The following RGPD2 variants were observed in gnomAD, a reference collection of about 807,000 sequenced individuals.
RGPD2 encodes RANBP2-like and GRIP domain-containing protein 2.
RGPD2 carries 2 observed loss-of-function variants against 36.0 expected under a neutral mutation model. That is an observed-to-expected ratio of 0.06 (90% CI 0.02 to 0.17). The LOEUF (loss-of-function observed/expected upper bound fraction) is 0.17, where lower values mean the gene tolerates loss of function less well. Ranked by LOEUF, RGPD2 falls within the 10% of genes least tolerant of loss-of-function variation. RGPD2 has a pLI of 1.00. For synonymous variants in RGPD2, 19 were observed against 163.8 expected (o/e 0.12, Z 6.75); for missense variants, 40 against 464.3 (o/e 0.09, Z 8.40).
chr2:87,972,954 G>T, the RGPD2 span: 1 of 1,614,022 alleles, frequency 6.2e-7, no homozygotes, highest in Non-Finnish European at 8.5e-7. Context: ...GCCTATCATG[G>T]GGCATGCCAT....
the RGPD2 span, among the ~76,000 whole-genome samples, chr2:87,857,170 C>G: frequency 6.6e-6 from 1 of 152,180 alleles, no homozygotes; most frequent in Admixed American, 6.5e-5. Context: ...AATGTGAATT[C>G]TTATGAAAGA....
intron 4 of RGPD2, among the ~76,000 whole-genome samples, chr2:87,815,075 T>A (rs2104354190): frequency 7.3e-6 from 1 of 137,222 alleles, no homozygotes; most frequent in Admixed American, 7.1e-5. Flanking sequence ...AAGATCTCTG[T>A]GGTAATAGAG....
the RGPD2 span, among the ~76,000 whole-genome samples, chr2:87,849,585 A>C: frequency 6.9e-6 from 1 of 145,360 alleles, no homozygotes; most frequent in Non-Finnish European, 1.5e-5. Context: ...ACAACAACAA[A>C]AAAATAAAAA....
At chr2:87,839,189 C>G in the RGPD2 span, among the ~76,000 whole-genome samples, 136 of 152,004 alleles carry the variant, frequency 8.9e-4, no homozygotes, top group African/African-American at 3.1e-3. Context: ...AAAAAACAAA[C>G]AACCCCATTT....
chr2:87,828,274 TACAC>T (rs1686883309), upstream of RGPD2, among the ~76,000 whole-genome samples: 1 of 96,130 alleles, frequency 1.0e-5, no homozygotes, highest in South Asian at 4.3e-4. Flanking sequence ...ATGTATAAGA[TACAC>T]ACATGTTACA....
chr2:87,986,678 G>A, the RGPD2 span, among the ~76,000 whole-genome samples: 2 of 151,346 alleles, frequency 1.3e-5, no homozygotes, highest in South Asian at 2.1e-4. Flanking sequence ...TCAGGAGTTC[G>A]AAACCAGCCT....
At chr2:87,986,593 C>T in the RGPD2 span, among the ~76,000 whole-genome samples, 3 of 151,938 alleles carry the variant, frequency 2.0e-5, no homozygotes, top group African/African-American at 7.2e-5. Context: ...TTAAAAGTCA[C>T]TATGGGCCAG....
At chr2:87,971,793 TAAAG>T in the RGPD2 span, among the ~76,000 whole-genome samples, 1 of 152,076 alleles carries the variant, frequency 6.6e-6, no homozygotes, top group Non-Finnish European at 1.5e-5. Context: ...AAATTACAAA[TAAAG>T]AAAAACAAAA....
the RGPD2 span, among the ~76,000 whole-genome samples, chr2:87,980,974 T>C: frequency 3.1e-4 from 36 of 114,986 alleles, no homozygotes; most frequent in African/African-American, 1.1e-3. Flanking sequence ...AAAGATGAAA[T>C]GAAATCATAT....
chr2:87,879,199 T>C, the RGPD2 span, among the ~76,000 whole-genome samples: 18 of 151,888 alleles, frequency 1.2e-4, no homozygotes, highest in African/African-American at 4.1e-4. Context: ...ATTTATAGGG[T>C]ACATAAGATA....
chr2:87,870,543 T>C, the RGPD2 span, among the ~76,000 whole-genome samples: 2 of 152,228 alleles, frequency 1.3e-5, no homozygotes, highest in African/African-American at 4.8e-5. Context: ...CCTTTGCTTC[T>C]ATCTTTTTCC....
the RGPD2 span, among the ~76,000 whole-genome samples, chr2:87,977,004 ACG>A: frequency 8.4e-6 from 1 of 118,404 alleles, no homozygotes; most frequent in South Asian, 3.2e-4. Context: ...TCCCCAGTAC[ACG>A]CCCTACAAAA....
the RGPD2 span, among the ~76,000 whole-genome samples, chr2:87,894,860 C>T: frequency 1.2e-3 from 151 of 130,404 alleles, no homozygotes; most frequent in Non-Finnish European, 1.9e-3. Flanking sequence ...TGTCATATTA[C>T]GACTTCTCTT....
chr2:87,890,280 G>GAAA, the RGPD2 span, among the ~76,000 whole-genome samples: 1 of 134,760 alleles, frequency 7.4e-6, no homozygotes, highest in East Asian at 2.1e-4. Flanking sequence ...AAAGTATTAT[G>GAAA]AAAGATGGTA....
chr2:87,772,741 G>A (rs922444981), intron 21 of RGPD2, among the ~76,000 whole-genome samples: 9 of 134,652 alleles, frequency 6.7e-5, no homozygotes, highest in Non-Finnish European at 1.3e-4. Flanking sequence ...TACAAGAGGA[G>A]AAAAAGTAGA....
the RGPD2 span, among the ~76,000 whole-genome samples, chr2:87,886,196 A>T: frequency 2.9e-4 from 44 of 151,758 alleles, no homozygotes; most frequent in Non-Finnish European, 7.4e-5. Context: ...TAGCCCTTGC[A>T]CTTGCTCCTC....
chr2:87,983,490 C>T, the RGPD2 span, among the ~76,000 whole-genome samples: 1 of 122,144 alleles, frequency 8.2e-6, no homozygotes, highest in Non-Finnish European at 1.7e-5. Context: ...ACTGAGTATC[C>T]TTCTATGCCA....
At chr2:87,841,610 C>G in the RGPD2 span, among the ~76,000 whole-genome samples, 1 of 151,934 alleles carries the variant, frequency 6.6e-6, no homozygotes, top group African/African-American at 2.4e-5. Context: ...GATGGATTCA[C>G]AGTCGAATTC....
chr2:87,943,528 T>C, the RGPD2 span, among the ~76,000 whole-genome samples: 12 of 151,886 alleles, frequency 7.9e-5, no homozygotes, highest in Admixed American at 5.9e-4. Flanking sequence ...CCTTGTATAC[T>C]CTGGATATCA....
Sources: allele counts gnomAD v4.1 joint callset (sites outside exome capture counted in the v4.1 genomes callset), GRCh38; gene constraint gnomAD v4.1.1; transcripts MANE v1.5; gene names NCBI Gene and HGNC (gene_info 2026-07-23, HGNC 2026-07-21).